SOX5: variants seen among roughly 807,000 people sequenced by gnomAD.
SOX5 encodes transcription factor SOX-5.
A neutral mutation model predicts 92.0 loss-of-function variants in SOX5; 9 were observed. The ratio of observed to expected loss-of-function variants is 0.10; its 90% CI spans 0.06 to 0.17. The LOEUF (loss-of-function observed/expected upper bound fraction) is 0.17. Ranked by LOEUF, SOX5 falls within the 10% of genes least tolerant of loss-of-function variation. The probability of loss-of-function intolerance (pLI) is 1.00; values close to 1 mark genes in which losing one functional copy is unlikely to be tolerated. For synonymous variants in SOX5, 344 were observed against 336.3 expected (o/e 1.02, Z -0.25); for missense variants, 642 against 944.5 (o/e 0.68, Z 4.20).
chr12:23,813,478 G>C (rs2095917641), intron 3 of SOX5, among the ~76,000 whole-genome samples: 1 of 152,058 alleles, frequency 6.6e-6, no homozygotes, highest in Non-Finnish European at 1.5e-5. Context: ...CACAAGATCT[G>C]ATGACCACAT....
intron 2 of SOX5, among the ~76,000 whole-genome samples, chr12:24,338,893 C>A (rs562155621): frequency 1.3e-5 from 2 of 152,260 alleles, no homozygotes; most frequent in Non-Finnish European, 2.9e-5. Context: ...GTCCATTAAA[C>A]CTCTTTTTCT....
chr12:24,031,058 A>T (rs73283836), intron 4 of SOX5, among the ~76,000 whole-genome samples: 2,628 of 152,000 alleles, frequency 0.017, 73 homozygotes, highest in South Asian at 0.062. Flanking sequence ...GTTGGCAAGG[A>T]TGTGGAGAAA....
chr12:23,853,640 C>G (rs1184982448), intron 2 of SOX5, among the ~76,000 whole-genome samples: 1 of 149,632 alleles, frequency 6.7e-6, no homozygotes, highest in Non-Finnish European at 1.5e-5. Flanking sequence ...ATGCTGCATT[C>G]AAGAATAAAA....
chr12:23,838,843 T>TGGGCCG (rs55896803), intron 3 of SOX5, among the ~76,000 whole-genome samples: 1 of 38,150 alleles, frequency 2.6e-5, no homozygotes, highest in Non-Finnish European at 5.1e-5. Context: ...TCTTTTTTTT[T>TGGGCCG]GGGGGGGGGG....
chr12:23,565,041 AGAAAAG>A (rs957845802), intron 10 of SOX5, among the ~76,000 whole-genome samples: 2 of 152,184 alleles, frequency 1.3e-5, no homozygotes, highest in African/African-American at 4.8e-5. Context: ...TGTAGGCGAT[AGAAAAG>A]GGAAGCTTGA....
chr12:24,159,750 C>A (rs1161500086), intron 4 of SOX5, among the ~76,000 whole-genome samples: 1 of 151,946 alleles, frequency 6.6e-6, no homozygotes, highest in African/African-American at 2.4e-5. Context: ...ACAACTCATT[C>A]AACACTCAAA....
At chr12:23,696,642 A>G (rs2089916454) in intron 6 of SOX5, among the ~76,000 whole-genome samples, 2 of 152,034 alleles carry the variant, frequency 1.3e-5, no homozygotes, top group Non-Finnish European at 2.9e-5. Context: ...TTAACCTTCT[A>G]TGCTGCTCTC....
At chr12:23,846,283 A>T (rs2096574221) in intron 2 of SOX5, 90 bp from the exon 3 acceptor site, 1 of 1,005,198 alleles carries the variant, frequency 9.9e-7, no homozygotes, top group Admixed American at 2.0e-5. Flanking sequence ...AGAAAGCAAA[A>T]GGACAAATAA....
At chr12:23,887,323 G>A (rs2097078663) in intron 2 of SOX5, among the ~76,000 whole-genome samples, 1 of 152,124 alleles carries the variant, frequency 6.6e-6, no homozygotes, top group Admixed American at 6.5e-5. Flanking sequence ...AATGTTTTCT[G>A]ATAGAGCCAA....
chr12:23,576,519 G>C (rs1949127652), intron 9 of SOX5, among the ~76,000 whole-genome samples: 1 of 152,112 alleles, frequency 6.6e-6, no homozygotes, highest in Non-Finnish European at 1.5e-5. Context: ...TCAAAATCCA[G>C]ATGTGTTTTC....
chr12:24,197,154 A>G (rs1351025419), intron 4 of SOX5, among the ~76,000 whole-genome samples: 5 of 152,168 alleles, frequency 3.3e-5, no homozygotes, highest in Admixed American at 2.0e-4. Context: ...AGAAGCTTCA[A>G]TTGGTTGACA....
At chr12:23,696,267 T>C (rs1281198897) in intron 6 of SOX5, among the ~76,000 whole-genome samples, 2 of 152,062 alleles carry the variant, frequency 1.3e-5, no homozygotes, top group African/African-American at 4.8e-5. Context: ...AATCTTATTG[T>C]GGGATGATTT....
chr12:23,971,715 T>G (rs1948364393), intron 4 of SOX5, among the ~76,000 whole-genome samples: 1 of 152,076 alleles, frequency 6.6e-6, no homozygotes, highest in Admixed American at 6.5e-5. Context: ...TCTCTTATTC[T>G]GAAATGTGAA....
intron 4 of SOX5, among the ~76,000 whole-genome samples, chr12:24,062,907 A>C (rs763109840): frequency 1.3e-4 from 20 of 152,122 alleles, no homozygotes; most frequent in Non-Finnish European, 2.6e-4. Flanking sequence ...CCTAACAACA[A>C]CTCCTGGGAA....
Position 24,152,271 on chromosome 12 carries a change from C to A in SOX5, c.-2+61072G>T, listed in dbSNP as rs538272014. Among the ~76,000 whole-genome samples the A allele has an allele frequency of 7.2e-5, 11 of 152,314 alleles. No homozygotes were observed. The Middle Eastern group carries it at 0.01, about 141-fold the overall frequency. On this transcript the variant is annotated intron_variant, in intron 4 of 4. Coordinates refer to the SOX5 transcript ENST00000446891. The stretch of plus-strand genomic sequence containing the variant: ...GTTAAAAGCATATTACAGCATTTCA[C>A]ACGTCATTGATTAAAGAGGTATTTT...
rs79316717 is a variant in SOX5 at position 23,760,795 on chromosome 12, C to T, written c.482-5071G>A. ...CATATTGTAATTCTCCAACAAGCTGCCAGTGCCAAGAATTAAACCACATTT... is the reference window on the plus strand; with the variant it reads ...CATATTGTAATTCTCCAACAAGCTGTCAGTGCCAAGAATTAAACCACATTT... On this transcript the variant is annotated intron_variant, in intron 3 of 14. Coordinates refer to ENST00000451604, the MANE Select transcript of SOX5 (RefSeq NM_006940.6). 2.6e-5 allele frequency among the ~76,000 whole-genome samples: 4 copies of T among 152,228 alleles called. No homozygotes were observed. The East Asian group carries it at 7.7e-4, about 29-fold the overall frequency.
At chr12:23,709,089 C>CTT (rs1567133161) in intron 6 of SOX5, among the ~76,000 whole-genome samples, 1 of 151,952 alleles carries the variant, frequency 6.6e-6, no homozygotes, top group East Asian at 1.9e-4. Context: ...TTCAGGGAAT[C>CTT]TTTTATTTTT....
chr12:23,810,175 C>T (rs957993527), intron 3 of SOX5, among the ~76,000 whole-genome samples: 1 of 152,096 alleles, frequency 6.6e-6, no homozygotes, highest in Non-Finnish European at 1.5e-5. Flanking sequence ...CCTTTTTATG[C>T]TTTCCAAGTT....
intron 2 of SOX5, among the ~76,000 whole-genome samples, chr12:24,299,497 C>G (rs1947708941): frequency 6.6e-6 from 1 of 151,930 alleles, no homozygotes; most frequent in Non-Finnish European, 1.5e-5. Context: ...GAGATTATAA[C>G]CTATCCAGGC....
Sources: gnomAD v4.1 joint callset for allele counts (sites outside exome capture counted in the v4.1 genomes callset) on GRCh38, gnomAD v4.1.1 for gene constraint, MANE v1.5 for transcripts, NCBI Gene and HGNC (gene_info 2026-07-23, HGNC 2026-07-21) for gene names.